Variants in ITGA8 observed in about 807,000 individuals in gnomAD.
ITGA8 encodes integrin subunit alpha 8.
In ITGA8, 91 loss-of-function variants were observed where a neutral mutation model predicts 142.3. The observed-to-expected ratio is 0.64, with a 90% CI of 0.54 to 0.76. The LOEUF is 0.76. Ranked by LOEUF, ITGA8 falls within the 30% of genes least tolerant of loss-of-function variation. The pLI, the probability that ITGA8 is intolerant of heterozygous loss-of-function variation, is 0.00. For synonymous variants in ITGA8, 505 were observed against 485.2 expected (o/e 1.04, Z -0.54); for missense variants, 1,406 against 1,327.7 (o/e 1.06, Z -0.92).
At chr10:15,678,321 G>T (rs1229694605) in intron 5 of ITGA8, among the ~76,000 whole-genome samples, 5 of 151,876 alleles carry the variant, frequency 3.3e-5, no homozygotes, top group African/African-American at 1.2e-4. Flanking sequence ...TTTTTGAAAG[G>T]ATATATGAAT....
chr10:15,517,019 A>AC lies in ITGA8; in HGVS notation c.*138_*139insG. 4 of 406,580 alleles carry AC rather than the reference A, an allele frequency of 9.8e-6. No individual in the cohort carries two copies. Among genetic ancestry groups the AC allele is most frequent in the South Asian group, 5.5e-5 (1 of 18,148 alleles). The allele number at this position is 406,580 out of a possible 1,614,324, so 25.2% of individuals were successfully genotyped here. ...ATTTCTCCAAAGTGCGGTGTAGATG[A>AC]GGTGATGTTTCCAGGGTCCCCTCCA... On this transcript the variant is annotated 3_prime_UTR_variant, in exon 30 of 30. Coordinates refer to ENST00000378076, the MANE Select transcript of ITGA8 (RefSeq NM_003638.3).
chr10:15,706,329 C>G (rs527506019), intron 2 of ITGA8, among the ~76,000 whole-genome samples: 1 of 152,226 alleles, frequency 6.6e-6, no homozygotes, highest in South Asian at 2.1e-4. Flanking sequence ...TGCTACCACT[C>G]AATCCCAGCC....
intron 2 of ITGA8, among the ~76,000 whole-genome samples, chr10:15,714,125 C>A (rs974015067): frequency 6.6e-6 from 1 of 152,142 alleles, no homozygotes; most frequent in African/African-American, 2.4e-5. Flanking sequence ...TTTACTTGAG[C>A]ATTTAAAACA....
chr10:15,651,017 C>G (rs1834075891), intron 11 of ITGA8, among the ~76,000 whole-genome samples: 1 of 152,120 alleles, frequency 6.6e-6, no homozygotes, highest in Non-Finnish European at 1.5e-5. Flanking sequence ...TGTTTCCTTT[C>G]AATTGGATTT....
chr10:15,635,148 A>T (rs1217178330), intron 13 of ITGA8, among the ~76,000 whole-genome samples: 2 of 151,750 alleles, frequency 1.3e-5, no homozygotes, highest in Non-Finnish European at 2.9e-5. Context: ...CTGGGACTAC[A>T]GGCACGTGCT....
intron 27 of ITGA8, among the ~76,000 whole-genome samples, chr10:15,545,922 C>A (rs1259104019): frequency 6.6e-6 from 1 of 152,170 alleles, no homozygotes; most frequent in Non-Finnish European, 1.5e-5. Context: ...AGGCTAAAAT[C>A]AGGCTCCCAT....
intron 11 of ITGA8, among the ~76,000 whole-genome samples, chr10:15,650,091 C>T (rs1249927329): frequency 6.6e-6 from 1 of 152,108 alleles, no homozygotes; most frequent in Non-Finnish European, 1.5e-5. Context: ...TAATAATATT[C>T]AGCAATGAAA....
At chr10:15,627,332 G>A (rs1210846519) in intron 13 of ITGA8, among the ~76,000 whole-genome samples, 1 of 152,210 alleles carries the variant, frequency 6.6e-6, no homozygotes, top group Non-Finnish European at 1.5e-5. Context: ...AGAGGTAACA[G>A]GATGAGAGGG....
intron 29 of ITGA8, 61 bp downstream of exon 29, chr10:15,519,228 TC>T: frequency 6.3e-7 from 1 of 1,582,966 alleles, no homozygotes; most frequent in African/African-American, 1.4e-5. Flanking sequence ...CCTAACTGTA[TC>T]CCTCTAAATT....
At chr10:15,716,029 G>A (rs2131743609) in intron 2 of ITGA8, among the ~76,000 whole-genome samples, 1 of 152,280 alleles carries the variant, frequency 6.6e-6, no homozygotes, top group South Asian at 2.1e-4. Flanking sequence ...GGCCGACATG[G>A]GGAACTTTCT....
At position 15,605,917 on chromosome 10, in the gene ITGA8, C is replaced by T. The variant is rs577661681; in HGVS notation, c.1903-126G>A. 1.3e-4 allele frequency: 104 copies of T among 778,226 alleles called. No homozygotes were observed. In the African/African-American group the frequency reaches 1.7e-3, roughly 13 times the overall value. 48.2% of individuals were successfully genotyped at this position (778,226 alleles called of 1,614,324 possible). A position where few individuals can be genotyped will look rare whatever the true frequency, so the allele number is the denominator to read the frequency against. ...TCCTCTCACTATGCATGACTCTACC[C>T]AAGCCAATAGCCTACATTTCACAGT... On this transcript the variant is annotated intron_variant, in intron 18 of 29. Coordinates refer to ENST00000378076, the MANE Select transcript of ITGA8 (RefSeq NM_003638.3).
intron 15 of ITGA8, among the ~76,000 whole-genome samples, chr10:15,612,524 A>G (rs935259178): frequency 6.6e-6 from 1 of 152,200 alleles, no homozygotes; most frequent in Non-Finnish European, 1.5e-5. Context: ...AGTGACTTCT[A>G]ACTCTTGAGG....
intron 10 of ITGA8, among the ~76,000 whole-genome samples, chr10:15,657,509 C>CTTTCTTT (rs534714654): frequency 1.1e-3 from 126 of 116,512 alleles, no homozygotes; most frequent in African/African-American, 3.9e-3. Context: ...TCTTTTCTTT[C>CTTTCTTT]ATTTTTTTTT....
chr10:15,707,986 A>G (rs1835291871), intron 2 of ITGA8, among the ~76,000 whole-genome samples: 1 of 151,588 alleles, frequency 6.6e-6, no homozygotes, highest in Non-Finnish European at 1.5e-5. Flanking sequence ...ACACACACAC[A>G]CACACACACA....
intron 14 of ITGA8, among the ~76,000 whole-genome samples, chr10:15,615,049 G>T (rs371162141): frequency 2.0e-5 from 3 of 152,164 alleles, no homozygotes; most frequent in Non-Finnish European, 2.9e-5. Flanking sequence ...AAATTTGCCC[G>T]TGAGAGGAGT....
At chr10:15,566,198 G>C (rs1834076217) in intron 25 of ITGA8, among the ~76,000 whole-genome samples, 2 of 152,046 alleles carry the variant, frequency 1.3e-5, no homozygotes. Flanking sequence ...GTTGTAATTT[G>C]GACTTCCCAT....
intron 16 of ITGA8, 124 bp downstream of exon 16, chr10:15,608,111 T>C (rs996953290): frequency 1.4e-6 from 1 of 733,728 alleles, no homozygotes; most frequent in South Asian, 1.6e-5. Flanking sequence ...AGGTTCCATA[T>C]ATGCAACAGA....
At chr10:15,557,439 C>G (rs1305621198) in intron 26 of ITGA8, among the ~76,000 whole-genome samples, 2 of 152,212 alleles carry the variant, frequency 1.3e-5, no homozygotes, top group African/African-American at 4.8e-5. Context: ...TAAGGGCTAA[C>G]TAAGCTCAGG....
chr10:15,684,684 TA>T (rs1035080633), intron 3 of ITGA8, among the ~76,000 whole-genome samples: 4 of 51,262 alleles, frequency 7.8e-5, no homozygotes, highest in South Asian at 8.2e-4. Flanking sequence ...CCATAGAAAT[TA>T]AATTTTTTTT....
Sources: gnomAD v4.1 joint callset for allele counts (sites outside exome capture counted in the v4.1 genomes callset) on GRCh38, gnomAD v4.1.1 for gene constraint, MANE v1.5 for transcripts, NCBI Gene and HGNC (gene_info 2026-07-23, HGNC 2026-07-21) for gene names.